The following KCNQ4 variants were observed in gnomAD, a reference collection of about 807,000 sequenced individuals.
The protein encoded by KCNQ4 is potassium voltage-gated channel subfamily Q member 4.
A neutral mutation model predicts 72.6 loss-of-function variants in KCNQ4; 31 were observed. The observed-to-expected ratio is 0.43, with a 90% CI of 0.32 to 0.58. The LOEUF is 0.58. Among genes scored for constraint, KCNQ4 ranks in the 20% least tolerant of loss-of-function variants. The probability of loss-of-function intolerance (pLI) is 0.08; values close to 1 mark genes in which losing one functional copy is unlikely to be tolerated. For synonymous variants in KCNQ4, 405 were observed against 403.7 expected (o/e 1.00, Z -0.04); for missense variants, 869 against 962.6 (o/e 0.90, Z 1.29).
chr1:40,783,792 G>A lies in KCNQ4; in HGVS notation c.-302G>A, dbSNP rs1439530479. The stretch of plus-strand genomic sequence containing the variant: ...GGGGCGGGGCGGGGGAGGGTGACAT[G>A]TGAGCGGCGCGCGCCGGTGGCAGGT... On this transcript the variant is annotated 5_prime_UTR_variant, in exon 1 of 14. It adds an upstream start codon to the 5' untranslated region. Transcript: ENST00000347132. This position sits in a 1 kb window ranked among gnomAD's most constrained non-coding sequence, Gnocchi z 4.4. The A allele has an allele frequency of 6.6e-6, 1 of 152,002 alleles. No homozygotes were observed. Among genetic ancestry groups the A allele is most frequent in the East Asian group, 2.0e-4 (1 of 5,124 alleles). The allele number at this position is 152,002 out of a possible 1,614,324, so 9.4% of individuals were successfully genotyped here.
chr1:40,811,548 C>A (rs1006899470), intron 1 of KCNQ4, among the ~76,000 whole-genome samples: 1 of 152,222 alleles, frequency 6.6e-6, no homozygotes. Flanking sequence ...GACTCTGACA[C>A]CCACCGTAGT....
At chr1:40,819,311 A>T (rs758999893) in intron 4 of KCNQ4, 36 bp from the exon 5 acceptor site, 1 of 1,612,790 alleles carries the variant, frequency 6.2e-7, no homozygotes, top group South Asian at 1.1e-5. Context: ...AGGCAGGCAC[A>T]GCGCTCCTCA....
rs144971308 is a variant in KCNQ4, at chr1:40,809,618, C to T, written c.315-7647C>T. Among the ~76,000 whole-genome samples the T allele has an allele frequency of 5.9e-5, 9 of 152,336 alleles. No homozygotes were observed. In the East Asian group the frequency reaches 1.5e-3, roughly 26 times the overall value. On this transcript the variant is annotated intron_variant, in intron 1 of 13. Coordinates refer to ENST00000347132, the MANE Select transcript of KCNQ4 (RefSeq NM_004700.4). ...CCCATCCACTCCTCTTCCCTGCTGCCACCACCCTGGGCCAGGCCACAGTCA... is the reference window on the plus strand; with the variant it reads ...CCCATCCACTCCTCTTCCCTGCTGCTACCACCCTGGGCCAGGCCACAGTCA...
chr1:40,799,702 A>G (rs1449510655), intron 1 of KCNQ4, among the ~76,000 whole-genome samples: 1 of 152,200 alleles, frequency 6.6e-6, no homozygotes, highest in Admixed American at 6.5e-5. Flanking sequence ...CTTATTGATC[A>G]GAAACGTGCT....
intron 8 of KCNQ4, among the ~76,000 whole-genome samples, chr1:40,822,970 T>C (rs1648352363): frequency 2.0e-5 from 3 of 152,174 alleles, no homozygotes; most frequent in Admixed American, 2.0e-4. Flanking sequence ...GGATTATTAA[T>C]AGCATCACAA....
chr1:40,797,565 G>A (rs910598450), intron 1 of KCNQ4, among the ~76,000 whole-genome samples: 5 of 152,192 alleles, frequency 3.3e-5, no homozygotes, highest in Non-Finnish European at 5.9e-5. Flanking sequence ...AGGAAGTGAT[G>A]TCAGGAGTAA....
At chr1:40,793,791 A>G (rs898393186) in intron 1 of KCNQ4, among the ~76,000 whole-genome samples, 3 of 151,756 alleles carry the variant, frequency 2.0e-5, no homozygotes, top group African/African-American at 7.3e-5. Flanking sequence ...CATCTAGCTA[A>G]CTCCTATTCA....
intron 11 of KCNQ4, among the ~76,000 whole-genome samples, chr1:40,833,958 G>A (rs916350586): frequency 2.6e-5 from 4 of 151,960 alleles, no homozygotes; most frequent in African/African-American, 7.3e-5. Context: ...GTAGTGAGCC[G>A]TGATTGAGCT....
At position 40,789,457 on chromosome 1, in the gene KCNQ4, T is replaced by C. The variant is rs191086068; in HGVS notation, c.314+5050T>C. Among the ~76,000 whole-genome samples, 5 of 152,328 alleles carry C rather than the reference T, an allele frequency of 3.3e-5. No homozygotes were observed. The East Asian group carries it at 9.6e-4, about 29-fold the overall frequency. ...CTTTGAGTGTGACCCAAATTTTTCG[T>C]GCTGCTGTTTTTCAGCCCTAGTCCT... On this transcript the variant is annotated intron_variant, in intron 1 of 13. Transcript: ENST00000347132.
At chr1:40,798,377 A>C (rs1485077233) in intron 1 of KCNQ4, among the ~76,000 whole-genome samples, 1 of 152,196 alleles carries the variant, frequency 6.6e-6, no homozygotes, top group Non-Finnish European at 1.5e-5. Flanking sequence ...GAGGTCCAAA[A>C]TACTACCTGT....
intron 7 of KCNQ4, 67 bp from the exon 8 acceptor site, chr1:40,822,247 G>C (rs1175565069): frequency 1.3e-5 from 17 of 1,326,054 alleles, no homozygotes; most frequent in Non-Finnish European, 1.5e-5. Flanking sequence ...TTCTTTCAGG[G>C]GAGAGGGCTG....
intron 9 of KCNQ4, among the ~76,000 whole-genome samples, chr1:40,827,981 G>A (rs966631106): frequency 1.3e-5 from 2 of 152,232 alleles, no homozygotes; most frequent in African/African-American, 2.4e-5. Flanking sequence ...AGGAGTCTCT[G>A]GGTCAGGCCC....
intron 1 of KCNQ4, among the ~76,000 whole-genome samples, chr1:40,793,004 C>CT (rs10549805): frequency 0.27 from 29,021 of 109,002 alleles, 4,626 homozygotes; most frequent in African/African-American, 0.33. Flanking sequence ...TTCTTTCTTT[C>CT]TTTTTTTTTT....
chr1:40,838,828 G>T lies in KCNQ4; in HGVS notation c.*305G>T. 2 of 491,420 alleles carry T rather than the reference G, an allele frequency of 4.1e-6. No homozygotes were observed. The highest frequency in any genetic ancestry group is 4.3e-5 in the South Asian group (2 of 46,476). 30.4% of individuals were successfully genotyped at this position (491,420 alleles called of 1,614,324 possible). On this transcript the variant is annotated 3_prime_UTR_variant, in exon 14 of 14. Coordinates refer to ENST00000347132, the MANE Select transcript of KCNQ4 (RefSeq NM_004700.4). ...GCCCTATGTGGCCCACCTGGCAGGG[G>T]CACAGCCCCGGGAGTGGGAGCGGGC...
intron 11 of KCNQ4, among the ~76,000 whole-genome samples, chr1:40,833,419 A>G (rs1336592717): frequency 6.6e-6 from 1 of 151,732 alleles, no homozygotes; most frequent in Non-Finnish European, 1.5e-5. Flanking sequence ...AAAAAAAAAA[A>G]TGTATTTTTT....
chr1:40,819,986 G>A lies in KCNQ4; in HGVS notation c.945+1G>A. 3.7e-6 allele frequency: 6 copies of A among 1,612,812 alleles called. No individual in the cohort carries two copies. Among genetic ancestry groups the A allele is most frequent in the Non-Finnish European group, 5.1e-6 (6 of 1,178,788 alleles). On this transcript the variant is annotated splice_donor_variant, in intron 6 of 13. Coordinates refer to ENST00000347132, the MANE Select transcript of KCNQ4 (RefSeq NM_004700.4). LOFTEE classifies it high-confidence loss of function. ...CATCTCTTTCTTTGCCCTGCCTGCC[G>A]TGAGTTGCCTCCTGCTCAGTTGGTG...
intron 1 of KCNQ4, among the ~76,000 whole-genome samples, chr1:40,813,442 G>A (rs1647983896): frequency 6.6e-6 from 1 of 152,166 alleles, no homozygotes; most frequent in Non-Finnish European, 1.5e-5. Context: ...TGCTCAGAAG[G>A]GGATGTGCAG....
chr1:40,818,208 G>T lies in KCNQ4; in HGVS notation c.450G>T (p.Arg150=). The T allele has an allele frequency of 6.2e-7, 1 of 1,613,936 alleles. No individual in the cohort carries two copies. Among genetic ancestry groups the T allele is most frequent in the Non-Finnish European group, 8.5e-7 (1 of 1,180,022 alleles). The change falls in exon 3 of 14, where the codon CGG becomes CGT. Residue 150 remains arginine (R), a synonymous_variant. Transcript: ENST00000347132. ...TTTTCGGCTTGGAGTACATCGTCCGGGTCTGGTCCGCCGGATGCTGCTGCC... is the reference window on the plus strand; with the variant it reads ...TTTTCGGCTTGGAGTACATCGTCCGTGTCTGGTCCGCCGGATGCTGCTGCC... ...IVVFGLEYIV[R]VWSAGCCCRY...
At chr1:40,800,853 G>A (rs1031640648) in intron 1 of KCNQ4, among the ~76,000 whole-genome samples, 1 of 152,224 alleles carries the variant, frequency 6.6e-6, no homozygotes, top group Non-Finnish European at 1.5e-5. Flanking sequence ...CTAACGAGGG[G>A]CTAAAGAAGC....
Sources: allele counts gnomAD v4.1 joint callset (sites outside exome capture counted in the v4.1 genomes callset), GRCh38; gene constraint gnomAD v4.1.1; non-coding constraint Gnocchi (gnomAD v3.1); transcripts MANE v1.5; gene names NCBI Gene and HGNC (gene_info 2026-07-23, HGNC 2026-07-21).